Variants in FOXO3 observed in about 807,000 individuals in gnomAD.
FOXO3 encodes forkhead box O3, also known as forkhead box protein O3.
In FOXO3, 4 loss-of-function variants were observed where a neutral mutation model predicts 41.9. The ratio of observed to expected loss-of-function variants is 0.10; its 90% confidence interval spans 0.05 to 0.22. FOXO3 has a LOEUF of 0.22. FOXO3 is among the 10% of genes least tolerant of loss of function. The probability of loss-of-function intolerance (pLI) is 1.00; values close to 1 mark genes in which losing one functional copy is unlikely to be tolerated. For synonymous variants in FOXO3, 318 were observed against 389.3 expected (o/e 0.82, Z 2.16); for missense variants, 534 against 906.8 (o/e 0.59, Z 5.28).
chr6:108,618,679 A>C (rs1159236565), intron 1 of FOXO3, among the ~76,000 whole-genome samples: 2 of 152,158 alleles, frequency 1.3e-5, no homozygotes, highest in Middle Eastern at 6.3e-3. Context: ...AACATGAACT[A>C]TTGCTAGCTT....
At chr6:108,585,265 G>A (rs1009778822) in intron 1 of FOXO3, among the ~76,000 whole-genome samples, 3 of 151,758 alleles carry the variant, frequency 2.0e-5, no homozygotes, top group African/African-American at 7.3e-5. Flanking sequence ...GGATGGTCTC[G>A]ATCTCCTGAC....
intron 1 of FOXO3, among the ~76,000 whole-genome samples, chr6:108,593,964 C>T (rs1776804586): frequency 6.6e-6 from 1 of 151,934 alleles, no homozygotes; most frequent in Non-Finnish European, 1.5e-5. Context: ...GGTGATCTAC[C>T]CGCCTCGGCC....
At chr6:108,606,701 A>G (rs1777212115) in intron 1 of FOXO3, among the ~76,000 whole-genome samples, 2 of 152,242 alleles carry the variant, frequency 1.3e-5, no homozygotes, top group South Asian at 4.1e-4. Flanking sequence ...TTTTACCAAG[A>G]GTTTAGTGAC....
chr6:108,605,285 A>AT (rs1777165981), intron 1 of FOXO3, among the ~76,000 whole-genome samples: 1 of 151,884 alleles, frequency 6.6e-6, no homozygotes, highest in Non-Finnish European at 1.5e-5. Flanking sequence ...CACCTGGATA[A>AT]TTTTTGTATG....
At chr6:108,650,683 C>T (rs1778524505) in intron 1 of FOXO3, among the ~76,000 whole-genome samples, 1 of 152,102 alleles carries the variant, frequency 6.6e-6, no homozygotes, top group Admixed American at 6.5e-5. Context: ...AGGGGTAGTG[C>T]TAATAATTAA....
intron 1 of FOXO3, among the ~76,000 whole-genome samples, chr6:108,589,940 G>T (rs546675908): frequency 1.2e-4 from 19 of 152,264 alleles, no homozygotes; most frequent in African/African-American, 4.6e-4. Context: ...GCAAGAGCAG[G>T]TGCTATTTTT....
chr6:108,594,885 C>A (rs1202241465), intron 1 of FOXO3, among the ~76,000 whole-genome samples: 1 of 152,190 alleles, frequency 6.6e-6, no homozygotes, highest in Non-Finnish European at 1.5e-5. Context: ...TACACCTAAG[C>A]AAAGTTTTGT....
chr6:108,560,184 GGCA>G (rs1775732240), upstream of FOXO3, among the ~76,000 whole-genome samples: 2 of 152,322 alleles, frequency 1.3e-5, no homozygotes, highest in Admixed American at 6.5e-5. Flanking sequence ...CTGTCAAGAT[GGCA>G]GCAGCGGGAG....
intron 1 of FOXO3, among the ~76,000 whole-genome samples, chr6:108,600,276 G>A (rs1250325804): frequency 6.6e-6 from 1 of 152,074 alleles, no homozygotes; most frequent in Admixed American, 6.5e-5. Context: ...CAGGTATGGT[G>A]GCTCACACCT....
chr6:108,560,722 G>A (rs567498400), upstream of FOXO3: 24 of 213,574 alleles, frequency 1.1e-4, no homozygotes, highest in African/African-American at 5.0e-4. Context: ...GGCTCTGACC[G>A]CGGCTCGGCT....
chr6:108,569,573 C>G (rs1776035426), intron 1 of FOXO3, among the ~76,000 whole-genome samples: 1 of 152,190 alleles, frequency 6.6e-6, no homozygotes, highest in African/African-American at 2.4e-5. Context: ...GCCTCAGTTA[C>G]TACTATGGAA....
chr6:108,670,876 G>C (rs1779197898), intron 2 of FOXO3, among the ~76,000 whole-genome samples: 1 of 152,196 alleles, frequency 6.6e-6, no homozygotes, highest in Non-Finnish European at 1.5e-5. Flanking sequence ...CCGGCAAAGT[G>C]GTAGGCCCGT....
At chr6:108,660,484 T>TATCCTGAACTACAGGCCC (rs1266442706) in intron 1 of FOXO3, among the ~76,000 whole-genome samples, 1 of 152,210 alleles carries the variant, frequency 6.6e-6, no homozygotes, top group Non-Finnish European at 1.5e-5. Context: ...GCTTATTGCC[T>TATCCTGAACTACAGGCCC]ATCCTGAACT....
rs1770900363 is a variant in FOXO3, at chr6:108,682,482, A to C, written c.*2690A>C. The C allele has an allele frequency of 6.6e-6, 1 of 152,286 alleles. No homozygotes were observed. The highest frequency in any genetic ancestry group is 2.4e-5 in the African/African-American group (1 of 41,458). The allele number at this position is 152,286 out of a possible 1,614,324, so 9.4% of individuals were successfully genotyped here. A position where few individuals can be genotyped will look rare whatever the true frequency, so the allele number is the denominator to read the frequency against. On this transcript the variant is annotated 3_prime_UTR_variant, in exon 3 of 3. Transcript: ENST00000406360. ...CCAGGGTAAAGTCAAGTGCAGCATCAGTACTGCGAGACCCACCAGCCCCTG... is the reference window on the plus strand; with the variant it reads ...CCAGGGTAAAGTCAAGTGCAGCATCCGTACTGCGAGACCCACCAGCCCCTG...
At chr6:108,563,057 T>G (rs1775859520) in intron 1 of FOXO3, among the ~76,000 whole-genome samples, 1 of 152,226 alleles carries the variant, frequency 6.6e-6, no homozygotes, top group Non-Finnish European at 1.5e-5. Context: ...TTCTTCATTG[T>G]CATTGGGGAG....
intron 1 of FOXO3, among the ~76,000 whole-genome samples, chr6:108,652,639 G>C (rs955085820): frequency 1.3e-5 from 2 of 152,198 alleles, no homozygotes; most frequent in Admixed American, 1.3e-4. Flanking sequence ...CTGCACCTCA[G>C]TTTCCTCCTG....
intron 1 of FOXO3, among the ~76,000 whole-genome samples, chr6:108,595,525 T>G (rs1317834220): frequency 6.6e-6 from 1 of 152,210 alleles, no homozygotes; most frequent in Non-Finnish European, 1.5e-5. Flanking sequence ...ACCATTTACA[T>G]AAGTTTTTGT....
intron 1 of FOXO3, among the ~76,000 whole-genome samples, chr6:108,609,573 T>G (rs918097055): frequency 6.6e-6 from 1 of 152,176 alleles, no homozygotes; most frequent in African/African-American, 2.4e-5. Flanking sequence ...GTGGTATTGT[T>G]AAGAAGGGAA....
intron 1 of FOXO3, among the ~76,000 whole-genome samples, chr6:108,655,477 G>A (rs916090966): frequency 6.6e-6 from 1 of 152,144 alleles, no homozygotes; most frequent in East Asian, 1.9e-4. Flanking sequence ...GGAAATATAA[G>A]GAGGAAAGAC....
Sources: allele counts gnomAD v4.1 joint callset (sites outside exome capture counted in the v4.1 genomes callset), GRCh38; gene constraint gnomAD v4.1.1; transcripts MANE v1.5; gene names NCBI Gene and HGNC (gene_info 2026-07-23, HGNC 2026-07-21).